ASTN2: variants seen among roughly 807,000 people sequenced by gnomAD.
ASTN2 encodes astrotactin-2.
ASTN2 carries 54 observed loss-of-function variants against 139.8 expected under a neutral mutation model. That is an observed-to-expected ratio of 0.39 (90% CI 0.31 to 0.48). The LOEUF (loss-of-function observed/expected upper bound fraction) is 0.48, where lower values mean the gene tolerates loss of function less well. Among genes scored for constraint, ASTN2 ranks in the 20% least tolerant of loss-of-function variants. The pLI is 0.95. For synonymous variants in ASTN2, 756 were observed against 719.5 expected, an observed-to-expected ratio of 1.05 and a Z score of -0.81; for missense variants, 1,565 against 1,725.1, an observed-to-expected ratio of 0.91 and a Z score of 1.64.
intron 11 of ASTN2, among the ~76,000 whole-genome samples, chr9:116,842,846 G>A (rs976202856): frequency 2.0e-5 from 3 of 151,956 alleles, no homozygotes; most frequent in South Asian, 2.1e-4. Context: ...ACTTCAGAGT[G>A]GAGGAGACAG....
chr9:116,696,408 GA>G (rs1339868411), intron 16 of ASTN2, among the ~76,000 whole-genome samples: 13 of 152,060 alleles, frequency 8.5e-5, no homozygotes, highest in Non-Finnish European at 1.5e-5. Context: ...TTTAAAGGTG[GA>G]GAAAATAAAA....
intron 1 of ASTN2, among the ~76,000 whole-genome samples, chr9:117,388,364 G>A (rs769559603): frequency 1.3e-5 from 2 of 152,074 alleles, no homozygotes; most frequent in Non-Finnish European, 2.9e-5. Flanking sequence ...GGCCACCCTG[G>A]GCTAATGAGA....
At chr9:116,970,098 G>T (rs887739591) in intron 10 of ASTN2, among the ~76,000 whole-genome samples, 6 of 152,186 alleles carry the variant, frequency 3.9e-5, no homozygotes, top group Non-Finnish European at 5.9e-5. Flanking sequence ...CACTGTGCAT[G>T]TCAAATCTCA....
chr9:116,471,569 A>G (rs1218650515), intron 20 of ASTN2, among the ~76,000 whole-genome samples: 2 of 151,914 alleles, frequency 1.3e-5, no homozygotes, highest in East Asian at 3.9e-4. Flanking sequence ...CATCCCGGGG[A>G]AAGAGGGACA....
In ASTN2 at chr9:117,206,922, G is replaced by A. The variant is rs553985727; in HGVS notation, c.1015+7436C>T. 3.3e-5 allele frequency among the ~76,000 whole-genome samples: 5 copies of A among 152,164 alleles called. No homozygotes were observed. The South Asian group carries it at 1.0e-3, about 32-fold the overall frequency. On this transcript the variant is annotated intron_variant, in intron 3 of 22. Transcript: ENST00000313400. ...CCCACCCACTACAGATATATCCCTGGCCTGCCTAATAGTTCTACGCCCCCT... is the reference window on the plus strand; with the variant it reads ...CCCACCCACTACAGATATATCCCTGACCTGCCTAATAGTTCTACGCCCCCT...
intron 5 of ASTN2, among the ~76,000 whole-genome samples, chr9:117,086,247 G>A (rs1332611094): frequency 6.6e-6 from 1 of 152,094 alleles, no homozygotes; most frequent in East Asian, 1.9e-4. Flanking sequence ...CTTGCTCAAA[G>A]CCTCTTAACC....
Position 116,473,941 on chromosome 9 carries a change from T to C in ASTN2, c.3497+13418A>G, listed in dbSNP as rs1460214508. On this transcript the variant is annotated intron_variant, in intron 20 of 22. Transcript: ENST00000313400. ...ACCTACTCAAGAAAGATCTTATATG[T>C]ACTTGGTATGTGTTTAATATTGTTC... Among the ~76,000 whole-genome samples, 7 of 152,060 alleles carry C rather than the reference T, an allele frequency of 4.6e-5. No homozygotes were observed. In the South Asian group the frequency reaches 1.2e-3, roughly 27 times the overall value.
chr9:117,191,648 T>C (rs1831351456), intron 3 of ASTN2, among the ~76,000 whole-genome samples: 1 of 152,192 alleles, frequency 6.6e-6, no homozygotes, highest in Non-Finnish European at 1.5e-5. Context: ...CTGGACTTTC[T>C]TTGTCAGTCA....
intron 6 of ASTN2, among the ~76,000 whole-genome samples, chr9:117,031,017 TG>T (rs1340866269): frequency 1.3e-5 from 2 of 152,172 alleles, no homozygotes; most frequent in Non-Finnish European, 2.9e-5. Context: ...CATATTAATA[TG>T]GTTTATTGGT....
intron 16 of ASTN2, among the ~76,000 whole-genome samples, chr9:116,717,977 C>A (rs1270649574): frequency 2.6e-5 from 4 of 152,240 alleles, no homozygotes; most frequent in African/African-American, 9.6e-5. Flanking sequence ...ATGCCAGGCA[C>A]TGGCTAGGTA....
In ASTN2 at chr9:116,697,597, G is replaced by C. The variant is rs188064768; in HGVS notation, c.2806+28174C>G. 4.5e-3 allele frequency: 4,648 copies of C among 1,044,446 alleles called. 15 individuals carry two copies. Among genetic ancestry groups the C allele is most frequent in the Middle Eastern group, 8.4e-3 (28 of 3,350 alleles). 64.7% of individuals were successfully genotyped at this position (1,044,446 alleles called of 1,614,324 possible). A position where few individuals can be genotyped will look rare whatever the true frequency, so the allele number is the denominator to read the frequency against. ...GACTGGTCATAGCTATTCTCTAAATGTTTCTTGAGTGAATTTATTTATATA... is the reference window on the plus strand; with the variant it reads ...GACTGGTCATAGCTATTCTCTAAATCTTTCTTGAGTGAATTTATTTATATA... On this transcript the variant is annotated intron_variant, in intron 16 of 22. Coordinates refer to ENST00000313400, the MANE Select transcript of ASTN2 (RefSeq NM_001365068.1).
At chr9:117,143,967 C>A (rs1830133368) in intron 3 of ASTN2, among the ~76,000 whole-genome samples, 1 of 152,148 alleles carries the variant, frequency 6.6e-6, no homozygotes, top group Admixed American at 6.5e-5. Context: ...TCCCTCCTTC[C>A]CCAATTTATA....
rs560504004 is a variant in ASTN2, at chr9:116,899,486, A to G, written c.1890-35753T>C. Among the ~76,000 whole-genome samples, 85 of 152,316 alleles carry G rather than the reference A, an allele frequency of 5.6e-4. 1 individual carries two copies. Among genetic ancestry groups the G allele is most frequent in the Admixed American group, 5.1e-3 (78 of 15,290 alleles). On this transcript the variant is annotated intron_variant, in intron 10 of 22. Coordinates refer to ENST00000313400, the MANE Select transcript of ASTN2 (RefSeq NM_001365068.1). ...CACAAAATAATAATGATCATGAACC[A>G]TCCTTTGCAAAATTATAACAGTGAG...
intron 13 of ASTN2, among the ~76,000 whole-genome samples, chr9:116,759,223 G>A (rs914547410): frequency 5.9e-5 from 9 of 152,166 alleles, no homozygotes; most frequent in African/African-American, 1.9e-4. Flanking sequence ...CACTTGGTAT[G>A]GGCCCAGTTT....
chr9:117,089,902 C>G (rs543489974), intron 5 of ASTN2, among the ~76,000 whole-genome samples: 1 of 152,120 alleles, frequency 6.6e-6, no homozygotes, highest in Non-Finnish European at 1.5e-5. Flanking sequence ...TGTATATATA[C>G]GACAGTTTCT....
intron 10 of ASTN2, among the ~76,000 whole-genome samples, chr9:116,865,940 G>T (rs1053438570): frequency 6.6e-6 from 1 of 152,162 alleles, no homozygotes; most frequent in Non-Finnish European, 1.5e-5. Context: ...AATGCTAGGT[G>T]CTGGGGATAC....
intron 1 of ASTN2, among the ~76,000 whole-genome samples, chr9:117,383,905 G>T (rs1830331289): frequency 6.6e-6 from 1 of 152,108 alleles, no homozygotes. Context: ...CTGTTGCTTG[G>T]CATATTGTAA....
chr9:116,680,132 C>T (rs1374699492), intron 16 of ASTN2, among the ~76,000 whole-genome samples: 1 of 151,956 alleles, frequency 6.6e-6, no homozygotes, highest in Non-Finnish European at 1.5e-5. Context: ...ACTAGCAAGA[C>T]TCATAAAGAA....
At chr9:116,429,884 G>A (rs928416218) in intron 22 of ASTN2, among the ~76,000 whole-genome samples, 1 of 152,176 alleles carries the variant, frequency 6.6e-6, no homozygotes, top group African/African-American at 2.4e-5. Flanking sequence ...TCAAGAGGAC[G>A]CCACACCTGA....
Sources: allele counts gnomAD v4.1 joint callset (sites outside exome capture counted in the v4.1 genomes callset), GRCh38; gene constraint gnomAD v4.1.1; transcripts MANE v1.5; gene names NCBI Gene and HGNC (gene_info 2026-07-23, HGNC 2026-07-21).